The following SORCS2 variants were observed in gnomAD, a reference collection of about 807,000 sequenced individuals.
SORCS2 encodes the protein sortilin related VPS10 domain containing receptor 2.
In SORCS2, 100 loss-of-function variants were observed where a neutral mutation model predicts 141.6. That is an observed-to-expected ratio of 0.71 (90% CI 0.60 to 0.83). The LOEUF is 0.83. SORCS2 is among the 40% of genes least tolerant of loss of function. The pLI, the probability that SORCS2 is intolerant of heterozygous loss-of-function variation, is 0.00. For synonymous variants in SORCS2, 789 were observed against 676.9 expected, an observed-to-expected ratio of 1.17 and a Z score of -2.57; for missense variants, 1,646 against 1,560.2, an observed-to-expected ratio of 1.05 and a Z score of -0.93.
chr4:7,724,136 G>GTGGTGA (rs1470327598), intron 19 of SORCS2, among the ~76,000 whole-genome samples: 1 of 127,688 alleles, frequency 7.8e-6, no homozygotes, highest in Non-Finnish European at 1.7e-5. Flanking sequence ...GGTGGTGGTG[G>GTGGTGA]TGGTGATGGT....
intron 2 of SORCS2, chr4:7,433,617 C>T: frequency 6.2e-7 from 1 of 1,611,474 alleles, no homozygotes; most frequent in South Asian, 1.1e-5. Context: ...CCTTGAAGGC[C>T]ACCAGGATGT....
intron 2 of SORCS2, among the ~76,000 whole-genome samples, chr4:7,412,287 T>C (rs73796555): frequency 0.1 from 15,664 of 152,114 alleles, 1,341 homozygotes; most frequent in East Asian, 0.24. Flanking sequence ...CCCCCTGGAG[T>C]TAGTTCTCAG....
At chr4:7,421,701 G>A (rs1275279705) in intron 2 of SORCS2, among the ~76,000 whole-genome samples, 4 of 152,078 alleles carry the variant, frequency 2.6e-5, no homozygotes, top group African/African-American at 4.8e-5. Flanking sequence ...GCACAGGCTC[G>A]GCCCTGGGGT....
In SORCS2 at chr4:7,718,100, C is replaced by T. The variant is rs772952993; in HGVS notation, c.2341C>T (p.Arg781Trp). 28 of 1,611,586 alleles carry T rather than the reference C, an allele frequency of 1.7e-5. No individual in the cohort carries two copies. Among genetic ancestry groups the T allele is most frequent in the African/African-American group, 2.7e-5 (2 of 74,860 alleles). The change falls in exon 18 of 27, where the codon CGG (arginine) becomes TGG (tryptophan). Residue 781 changes from arginine (R) to tryptophan (W), a missense_variant. Arg to Trp is a moderately radical substitution (Grantham distance 101). Transcript: ENST00000507866. ...VQLQCPLTPP[R>W]GLQVSIQGEA... ...GCTGCAGTGCCCCCTCACGCCGCCC[C>T]GGGGCCTGCAGGTCAGCATTCAAGG... is the stretch of plus-strand genomic sequence containing the variant.
intron 2 of SORCS2, among the ~76,000 whole-genome samples, chr4:7,515,683 T>C (rs1004553035): frequency 1.3e-5 from 2 of 152,118 alleles, no homozygotes; most frequent in African/African-American, 4.8e-5. Context: ...CCAGCAGCAT[T>C]CACGGACCAG....
intron 2 of SORCS2, among the ~76,000 whole-genome samples, chr4:7,424,660 C>T (rs974022905): frequency 1.3e-5 from 2 of 152,200 alleles, no homozygotes; most frequent in Non-Finnish European, 2.9e-5. Flanking sequence ...CCGCAGGGCT[C>T]ACAGCAGCTC....
intron 3 of SORCS2, among the ~76,000 whole-genome samples, chr4:7,591,537 G>A (rs1223313830): frequency 6.6e-6 from 1 of 152,200 alleles, no homozygotes; most frequent in Non-Finnish European, 1.5e-5. Context: ...TTTTGGCTGT[G>A]GCAGAGCCAA....
rs1029471075 is a variant in SORCS2 at position 7,615,660 on chromosome 4, G to A, written c.649-22668G>A. The stretch of plus-strand genomic sequence containing the variant: ...CCTCCCACGGTAGATTTCCCCAACT[G>A]TTCTTCATCCTTCCAGTGATACTTC... On this transcript the variant is annotated intron_variant, in intron 3 of 26. Coordinates refer to ENST00000507866, the MANE Select transcript of SORCS2 (RefSeq NM_020777.3). 2.6e-5 allele frequency among the ~76,000 whole-genome samples: 4 copies of A among 152,204 alleles called. No homozygotes were observed. The East Asian group carries it at 7.7e-4, about 29-fold the overall frequency.
chr4:7,388,630 G>C (rs1035065125), intron 1 of SORCS2, among the ~76,000 whole-genome samples: 2 of 152,064 alleles, frequency 1.3e-5, no homozygotes, highest in Non-Finnish European at 2.9e-5. Context: ...TCTTCAAGCA[G>C]AGGTGAATAC....
At chr4:7,554,705 A>G (rs1300022659) in intron 3 of SORCS2, among the ~76,000 whole-genome samples, 1 of 152,196 alleles carries the variant, frequency 6.6e-6, no homozygotes, top group African/African-American at 2.4e-5. Flanking sequence ...GAGGAGTGCC[A>G]GGATTGAGAT....
intron 1 of SORCS2, among the ~76,000 whole-genome samples, chr4:7,250,511 C>G (rs1434952643): frequency 1.3e-5 from 2 of 152,244 alleles, no homozygotes; most frequent in Admixed American, 1.3e-4. Context: ...TAGAGACTTT[C>G]CAAGATTTAT....
At chr4:7,376,670 C>T (rs6817324) in intron 1 of SORCS2, among the ~76,000 whole-genome samples, 95,871 of 151,720 alleles carry the variant, frequency 0.63, 31,023 homozygotes, top group East Asian at 0.94. Flanking sequence ...TCATTTTCTG[C>T]GCATGTCTAT....
chr4:7,499,083 GTGTC>G (rs1284034892), intron 2 of SORCS2, among the ~76,000 whole-genome samples: 2 of 152,234 alleles, frequency 1.3e-5, no homozygotes, highest in East Asian at 1.9e-4. Flanking sequence ...GTGGGAGTGT[GTGTC>G]TGTGCATGTG....
intron 19 of SORCS2, among the ~76,000 whole-genome samples, chr4:7,724,147 C>CAGTA (rs1726821621): frequency 9.0e-6 from 1 of 110,518 alleles, no homozygotes; most frequent in Admixed American, 7.9e-5. Context: ...TGGTGATGGT[C>CAGTA]GTGGTGGTGG....
At chr4:7,478,653 T>C (rs1165150069) in intron 2 of SORCS2, among the ~76,000 whole-genome samples, 1 of 152,222 alleles carries the variant, frequency 6.6e-6, no homozygotes, top group Non-Finnish European at 1.5e-5. Flanking sequence ...GTCACCACTG[T>C]ATCCCCTGAA....
At chr4:7,739,228 G>A (rs528207990) in intron 26 of SORCS2, among the ~76,000 whole-genome samples, 23 of 152,284 alleles carry the variant, frequency 1.5e-4, no homozygotes, top group Admixed American at 9.8e-4. Context: ...CGAAGGCCCC[G>A]GGCCGCGGGT....
At chr4:7,675,949 A>G in intron 8 of SORCS2, 101 bp from the exon 9 acceptor site, 1 of 1,355,900 alleles carries the variant, frequency 7.4e-7, no homozygotes, top group Non-Finnish European at 1.0e-6. Context: ...CAGGAGAGCC[A>G]GGGGTCTTCT....
At chr4:7,393,368 G>C (rs1467208216) in intron 1 of SORCS2, among the ~76,000 whole-genome samples, 1 of 152,142 alleles carries the variant, frequency 6.6e-6, no homozygotes, top group African/African-American at 2.4e-5. Context: ...AAACTGTCCC[G>C]GGGATATTTC....
intron 1 of SORCS2, among the ~76,000 whole-genome samples, chr4:7,221,380 A>C (rs771353321): frequency 6.6e-6 from 1 of 152,204 alleles, no homozygotes; most frequent in Admixed American, 6.5e-5. Context: ...TATTACATGC[A>C]TATGTCCCCA....
Sources: gnomAD v4.1 joint callset for allele counts (sites outside exome capture counted in the v4.1 genomes callset) on GRCh38, gnomAD v4.1.1 for gene constraint, MANE v1.5 for transcripts, NCBI Gene and HGNC (gene_info 2026-07-23, HGNC 2026-07-21) for gene names.